Variants in DST observed in about 807,000 individuals in gnomAD.
DST encodes dystonin.
In DST, 253 loss-of-function variants were observed where a neutral mutation model predicts 875.2. The observed-to-expected ratio is 0.29, with a 90% CI of 0.26 to 0.32. The LOEUF is 0.32. DST is among the 10% of genes least tolerant of loss of function. The probability of loss-of-function intolerance (pLI) is 1.00; values close to 1 mark genes in which losing one functional copy is unlikely to be tolerated. For synonymous variants in DST, 3,124 were observed against 3,197.1 expected (o/e 0.98, Z 0.77); for missense variants, 8,287 against 9,111.6 (o/e 0.91, Z 3.68).
chr6:56,492,161 CAT>C (rs2095769664), intron 85 of DST, 64 bp downstream of exon 85: 1 of 1,339,800 alleles, frequency 7.5e-7, no homozygotes, highest in Admixed American at 1.8e-5. Context: ...ACATCCATAA[CAT>C]ATATTTCAAC....
intron 55 of DST, 131 bp downstream of exon 55, chr6:56,568,338 A>C: frequency 1.1e-6 from 1 of 946,984 alleles, no homozygotes; most frequent in Admixed American, 2.9e-5. Context: ...TACAGATGCC[A>C]TGTTTCTTGT....
chr6:56,843,723 G>T, intron 4 of DST: 2 of 416,920 alleles, frequency 4.8e-6, no homozygotes, highest in Non-Finnish European at 6.2e-6. Context: ...GGAGGGTGGA[G>T]GGTGGAGAGT....
intron 91 of DST, 145 bp downstream of exon 91, chr6:56,477,200 T>C: frequency 3.4e-6 from 3 of 887,166 alleles, no homozygotes; most frequent in Non-Finnish European, 3.3e-6. Context: ...TTGTAATGCA[T>C]ACAAGAAGCG....
intron 50 of DST, among the ~76,000 whole-genome samples, chr6:56,575,728 C>A (rs74758787): frequency 0.02 from 3,110 of 152,128 alleles, 110 homozygotes; most frequent in African/African-American, 0.069. Context: ...TTCCTAAAAC[C>A]CTTCTGATTT....
rs146815957 is a variant in DST at position 56,856,854 on chromosome 6, A to G, written c.418-5250T>C. On this transcript the variant is annotated intron_variant, in intron 3 of 103. Coordinates refer to ENST00000680361, the MANE Select transcript of DST (RefSeq NM_001374736.1). ...TCCATAGAAGATGCAGGCTGAGGAA[A>G]CCCAAGATGTCTGCACTTATTTTTA... Among the ~76,000 whole-genome samples, 4 of 152,306 alleles carry G rather than the reference A, an allele frequency of 2.6e-5. No homozygotes were observed. The East Asian group carries it at 7.7e-4, about 29-fold the overall frequency.
chr6:56,926,749 G>A (rs1452982466), intron 2 of DST, among the ~76,000 whole-genome samples: 1 of 133,980 alleles, frequency 7.5e-6, no homozygotes, highest in Non-Finnish European at 1.6e-5. Context: ...GTTCCTGAGT[G>A]TAGAGCTTAT....
At chr6:56,873,481 T>C (rs115317617) in intron 3 of DST, among the ~76,000 whole-genome samples, 2,718 of 152,208 alleles carry the variant, frequency 0.018, 41 homozygotes, top group Non-Finnish European at 0.027. Flanking sequence ...TGGATGAAAT[T>C]ATAAGGAAAT....
chr6:56,534,186 T>G (rs2096951262), intron 63 of DST, among the ~76,000 whole-genome samples: 3 of 152,204 alleles, frequency 2.0e-5, no homozygotes, highest in Admixed American at 6.5e-5. Flanking sequence ...ATGTTGTCTT[T>G]TTTATAAATT....
chr6:56,664,744 T>C (rs1474049982), intron 10 of DST, among the ~76,000 whole-genome samples: 1 of 152,146 alleles, frequency 6.6e-6, no homozygotes, highest in Admixed American at 6.5e-5. Flanking sequence ...CAAGATATCT[T>C]ACCAGTTGTG....
chr6:56,557,986 G>A (rs975429705), intron 58 of DST, among the ~76,000 whole-genome samples: 14 of 152,030 alleles, frequency 9.2e-5, no homozygotes, highest in African/African-American at 2.4e-4. Flanking sequence ...GAAAGTTCCC[G>A]TAGGAAGTCT....
Position 56,807,182 on chromosome 6 carries a change from C to A in DST, c.625+44215G>T, listed in dbSNP as rs142809302. Reference sequence around the variant, plus strand: ...CCCCCCATGTCAGCCTCCCAAGTAGCCTGGACTAGAGGTGTGTGTTTTTTG... The same window carrying A: ...CCCCCCATGTCAGCCTCCCAAGTAGACTGGACTAGAGGTGTGTGTTTTTTG... On this transcript the variant is annotated intron_variant, in intron 4 of 103. Transcript: ENST00000680361. 3.9e-5 allele frequency among the ~76,000 whole-genome samples: 6 copies of A among 152,220 alleles called. No homozygotes were observed. The East Asian group carries it at 1.2e-3, about 29-fold the overall frequency.
At chr6:56,485,581 G>A in intron 87 of DST, 110 bp from the exon 88 acceptor site, 2 of 1,001,636 alleles carry the variant, frequency 2.0e-6, no homozygotes, top group Non-Finnish European at 2.9e-6. Context: ...GGGAAGAGCA[G>A]TATGTTGGTA....
At chr6:56,578,508 C>A (rs2097910899) in intron 50 of DST, among the ~76,000 whole-genome samples, 1 of 152,178 alleles carries the variant, frequency 6.6e-6, no homozygotes, top group Non-Finnish European at 1.5e-5. Flanking sequence ...ATCCCATCAA[C>A]CAAGAGAATT....
At chr6:56,811,183 CAAAAAAAAAAAAAAA>C (rs371256050) in intron 4 of DST, among the ~76,000 whole-genome samples, 2 of 33,326 alleles carry the variant, frequency 6.0e-5, no homozygotes, top group Non-Finnish European at 1.1e-4. Flanking sequence ...GACCCTGTCT[CAAAAAAAAAAAAAAA>C]AAAAAAAAAA....
chr6:56,720,057 G>C (rs1384015021), intron 5 of DST, among the ~76,000 whole-genome samples: 1 of 152,092 alleles, frequency 6.6e-6, no homozygotes, highest in East Asian at 1.9e-4. Context: ...TTATTAGGCG[G>C]GAATTTCCTC....
At chr6:56,470,781 A>AAC (rs67009040) in intron 95 of DST, among the ~76,000 whole-genome samples, 28,053 of 141,248 alleles carry the variant, frequency 0.2, 3,139 homozygotes, top group East Asian at 0.51. Context: ...TATGCCAGGC[A>AAC]ACACACACAC....
At chr6:56,939,506 TGGG>T (rs201907606) in intron 2 of DST, among the ~76,000 whole-genome samples, 1 of 151,974 alleles carries the variant, frequency 6.6e-6, no homozygotes, top group African/African-American at 2.4e-5. Flanking sequence ...AATGAACAGA[TGGG>T]GGGATAGATA....
At chr6:56,694,062 T>C (rs2099248807) in intron 9 of DST, among the ~76,000 whole-genome samples, 1 of 149,796 alleles carries the variant, frequency 6.7e-6, no homozygotes, top group Non-Finnish European at 1.5e-5. Flanking sequence ...TACATATATA[T>C]ATATGTAGTT....
intron 15 of DST, among the ~76,000 whole-genome samples, chr6:56,644,971 G>A (rs1314666028): frequency 6.6e-6 from 1 of 152,194 alleles, no homozygotes; most frequent in Non-Finnish European, 1.5e-5. Context: ...GAGATCTGAC[G>A]GTTTTGTAAA....
Sources: allele counts gnomAD v4.1 joint callset (sites outside exome capture counted in the v4.1 genomes callset), GRCh38; gene constraint gnomAD v4.1.1; transcripts MANE v1.5; gene names NCBI Gene and HGNC (gene_info 2026-07-23, HGNC 2026-07-21).